HLCS: variants seen among roughly 807,000 people sequenced by gnomAD.
The protein encoded by HLCS is biotin--protein ligase.
HLCS carries 53 observed loss-of-function variants against 75.0 expected under a neutral mutation model. The ratio of observed to expected loss-of-function variants is 0.71; its 90% confidence interval spans 0.57 to 0.89. The LOEUF (loss-of-function observed/expected upper bound fraction) is 0.89. HLCS is among the 40% of genes least tolerant of loss of function. HLCS has a pLI of 0.00. For synonymous variants in HLCS, 431 were observed against 428.6 expected (o/e 1.01, Z -0.07); for missense variants, 966 against 1,074.0 (o/e 0.90, Z 1.41).
chr21:36,778,032 G>A (rs1030215687), intron 6 of HLCS, among the ~76,000 whole-genome samples: 4 of 151,512 alleles, frequency 2.6e-5, no homozygotes, highest in East Asian at 3.9e-4. Context: ...GCAGTGGCAC[G>A]ATCTCAGCTC....
At chr21:36,855,538 A>T (rs2063159995) in intron 6 of HLCS, among the ~76,000 whole-genome samples, 2 of 79,220 alleles carry the variant, frequency 2.5e-5, no homozygotes, top group South Asian at 3.6e-4. Flanking sequence ...ACTCCATCTA[A>T]AAAAAAAAAA....
intron 6 of HLCS, among the ~76,000 whole-genome samples, chr21:36,822,855 A>C (rs2061888827): frequency 1.3e-5 from 2 of 152,270 alleles, no homozygotes. Flanking sequence ...TTTTTAAAGC[A>C]AGATAACTAA....
intron 1 of HLCS, among the ~76,000 whole-genome samples, chr21:36,987,104 G>A (rs1282257229): frequency 6.6e-6 from 1 of 152,154 alleles, no homozygotes; most frequent in Non-Finnish European, 1.5e-5. Flanking sequence ...CATTCTTTGA[G>A]CACCTCCTTG....
chr21:36,838,906 GAT>G (rs1333140690), intron 6 of HLCS, among the ~76,000 whole-genome samples: 1 of 152,198 alleles, frequency 6.6e-6, no homozygotes, highest in African/African-American at 2.4e-5. Context: ...CTGACACCTT[GAT>G]TTCAGACTTG....
intron 6 of HLCS, among the ~76,000 whole-genome samples, chr21:36,801,175 G>A: frequency 6.6e-6 from 1 of 152,156 alleles, no homozygotes; most frequent in East Asian, 1.9e-4. Context: ...GTCAATCACT[G>A]GTAAGCCGTC....
chr21:36,922,953 AT>A (rs2066238518), intron 5 of HLCS, among the ~76,000 whole-genome samples: 1 of 152,240 alleles, frequency 6.6e-6, no homozygotes, highest in South Asian at 2.1e-4. Flanking sequence ...ATCAAATGGG[AT>A]TCGGGTCTCA....
intron 6 of HLCS, among the ~76,000 whole-genome samples, chr21:36,889,487 G>A (rs923786866): frequency 2.0e-5 from 3 of 152,200 alleles, no homozygotes; most frequent in African/African-American, 7.2e-5. Context: ...GCCTCATGCT[G>A]TCTCCAGAGG....
At chr21:36,985,346 GC>G (rs1427721524) in intron 1 of HLCS, among the ~76,000 whole-genome samples, 1 of 152,178 alleles carries the variant, frequency 6.6e-6, no homozygotes, top group Non-Finnish European at 1.5e-5. Context: ...TTAAAAGTCA[GC>G]CCCGGCTGGG....
intron 6 of HLCS, among the ~76,000 whole-genome samples, chr21:36,812,088 C>T (rs2061528454): frequency 6.6e-6 from 1 of 152,198 alleles, no homozygotes; most frequent in Non-Finnish European, 1.5e-5. Flanking sequence ...TCAACAAGAA[C>T]TTGCAGGAGC....
intron 1 of HLCS, among the ~76,000 whole-genome samples, chr21:36,983,692 C>T (rs985499990): frequency 2.6e-5 from 4 of 151,774 alleles, no homozygotes; most frequent in African/African-American, 7.2e-5. Flanking sequence ...AAAAAATTAG[C>T]CCGGCGTGGT....
At chr21:36,775,214 C>A (rs746691263) in intron 6 of HLCS, among the ~76,000 whole-genome samples, 17 of 152,232 alleles carry the variant, frequency 1.1e-4, no homozygotes, top group Non-Finnish European at 2.9e-5. Flanking sequence ...ATCTTCCCCA[C>A]GTCCAGCATA....
At position 36,750,121 on chromosome 21, in the gene HLCS, G is replaced by C. The variant is rs1291388013; in HGVS notation, c.*4125C>G. ...AACCTAATATTGTGACCTCCATCTT[G>C]AAGAGTCTGCACATTTAAGCTGGGG... On this transcript the variant is annotated 3_prime_UTR_variant, in exon 11 of 11. Coordinates refer to ENST00000674895, the MANE Select transcript of HLCS (RefSeq NM_001352514.2). 6.6e-6 allele frequency among the ~76,000 whole-genome samples: 1 copy of C among 152,202 alleles called. No individual in the cohort carries two copies. The highest frequency in any genetic ancestry group is 1.5e-5 in the Non-Finnish European group (1 of 68,030).
At chr21:36,864,395 CAAA>C (rs754420645) in intron 6 of HLCS, among the ~76,000 whole-genome samples, 1 of 127,224 alleles carries the variant, frequency 7.9e-6, no homozygotes, top group Non-Finnish European at 1.7e-5. Flanking sequence ...GACTACGTCT[CAAA>C]AAAAAAAAAA....
chr21:36,757,253 C>T (rs981774764), intron 9 of HLCS, among the ~76,000 whole-genome samples: 1 of 152,176 alleles, frequency 6.6e-6, no homozygotes, highest in Non-Finnish European at 1.5e-5. Context: ...CATGGCATAA[C>T]CCTAGAAATG....
At chr21:36,869,285 C>T (rs2063689206) in intron 6 of HLCS, among the ~76,000 whole-genome samples, 1 of 151,992 alleles carries the variant, frequency 6.6e-6, no homozygotes, top group Non-Finnish European at 1.5e-5. Flanking sequence ...CCACCACGCC[C>T]GGCTAATCTT....
At chr21:36,849,177 G>T (rs529047554) in intron 6 of HLCS, among the ~76,000 whole-genome samples, 1 of 152,248 alleles carries the variant, frequency 6.6e-6, no homozygotes, top group South Asian at 2.1e-4. Context: ...AACTAAAGAA[G>T]TTTGTTACAT....
intron 6 of HLCS, among the ~76,000 whole-genome samples, chr21:36,820,178 C>T (rs1005677216): frequency 6.6e-6 from 1 of 151,976 alleles, no homozygotes; most frequent in African/African-American, 2.4e-5. Context: ...GCAGCCCCTT[C>T]CCATGAGTTG....
chr21:36,939,629 G>A (rs2067051381), intron 2 of HLCS, among the ~76,000 whole-genome samples: 1 of 152,126 alleles, frequency 6.6e-6, no homozygotes, highest in Non-Finnish European at 1.5e-5. Flanking sequence ...ACCACAAGGG[G>A]GACAGGGAGA....
intron 6 of HLCS, among the ~76,000 whole-genome samples, chr21:36,802,759 A>T (rs1048432737): frequency 6.6e-6 from 1 of 152,170 alleles, no homozygotes; most frequent in Non-Finnish European, 1.5e-5. Flanking sequence ...TTCACTCCCA[A>T]TGGGATCCAG....
Sources: allele counts gnomAD v4.1 joint callset (sites outside exome capture counted in the v4.1 genomes callset), GRCh38; gene constraint gnomAD v4.1.1; transcripts MANE v1.5; gene names NCBI Gene and HGNC (gene_info 2026-07-23, HGNC 2026-07-21).